Variants in SLC46A2 observed in about 807,000 individuals in gnomAD.
SLC46A2 encodes the protein thymic stromal co-transporter.
In SLC46A2, 25 loss-of-function variants were observed where a neutral mutation model predicts 33.1. That is an observed-to-expected ratio of 0.76 (90% CI 0.55 to 1.06). The LOEUF (loss-of-function observed/expected upper bound fraction) is 1.06, where lower values mean the gene tolerates loss of function less well. SLC46A2 is among the 50% of genes least tolerant of loss of function. The pLI is 0.00. For missense variants in SLC46A2, 622 were observed against 621.7 expected (o/e 1.00, Z 0.00); for synonymous variants, 254 against 275.9 (o/e 0.92, Z 0.79).
intron 3 of SLC46A2, chr9:112,880,189 G>A: frequency 6.2e-6 from 1 of 160,772 alleles, no homozygotes; most frequent in Non-Finnish European, 1.4e-5. Context: ...AAATTAGCTG[G>A]GCATGGTGGC....
In SLC46A2 at chr9:112,879,465, G is replaced by A; in HGVS notation, c.*297C>T. On this transcript the variant is annotated 3_prime_UTR_variant, in exon 4 of 4. Coordinates refer to ENST00000374228, the MANE Select transcript of SLC46A2 (RefSeq NM_033051.4). The stretch of plus-strand genomic sequence containing the variant: ...GTCTGAAGCCCCTCACAGGGCCTGG[G>A]ACTGCTGTGTGCAGCCTGCCTGTAA... 1 of 329,646 alleles carries A rather than the reference G, an allele frequency of 3.0e-6. No homozygotes were observed. The highest frequency in any genetic ancestry group is 5.7e-6 in the Non-Finnish European group (1 of 175,512). 20.4% of individuals were successfully genotyped at this position (329,646 alleles called of 1,614,324 possible).
In SLC46A2 at chr9:112,890,060, G is replaced by T. The variant is rs780450686; in HGVS notation, c.622C>A (p.Leu208Met). The change falls in exon 1 of 4, where the codon CTG becomes ATG. Residue 208 changes from leucine to methionine, a missense_variant. Coordinates refer to ENST00000374228, the MANE Select transcript of SLC46A2 (RefSeq NM_033051.4). This position sits in a 1 kb window ranked among gnomAD's most constrained non-coding sequence, Gnocchi z 6.0. Reference protein sequence around the residue: ...MAGHSGQGLILTACSVSCASF... With the variant: ...MAGHSGQGLIMTACSVSCASF... ...GCACAGCTCACGCTGCAGGCCGTCA[G>T]TATCAGGCCCTGCCCAGAGTGCCCA... The T allele has an allele frequency of 6.2e-7, 1 of 1,613,900 alleles. No individual in the cohort carries two copies. The highest frequency in any genetic ancestry group is 8.5e-7 in the Non-Finnish European group (1 of 1,180,016).
chr9:112,889,572 C>G lies in SLC46A2; in HGVS notation c.1110G>C (p.Glu370Asp). The G allele has an allele frequency of 2.5e-6, 4 of 1,612,852 alleles. No individual in the cohort carries two copies. The highest frequency in any genetic ancestry group is 3.4e-6 in the Non-Finnish European group (4 of 1,179,398). The change falls in exon 1 of 4, where the codon GAG (glutamate) becomes GAC (aspartate). Residue 370 changes from glutamate (E) to aspartate (D), a missense_variant. Coordinates refer to ENST00000374228, the MANE Select transcript of SLC46A2 (RefSeq NM_033051.4). ...ACTCACCAATATAGAACATGTATGT[C>G]TCTTTCACAAAAGCCAAGAGGAGGG... Reference protein sequence around the residue: ...SGALLLAFVKETYMFYIARAV... With the variant: ...SGALLLAFVKDTYMFYIARAV...
intron 1 of SLC46A2, among the ~76,000 whole-genome samples, chr9:112,888,873 GT>G (rs35381661): frequency 0.73 from 101,455 of 139,850 alleles, 37,199 homozygotes; most frequent in African/African-American, 0.9. Flanking sequence ...ACTCCTCCAC[GT>G]TTTTTTTTTT....
chr9:112,890,021 G>A lies in SLC46A2; in HGVS notation c.661C>T (p.Leu221Phe), dbSNP rs138120194. 2.1e-5 allele frequency: 34 copies of A among 1,614,092 alleles called. No individual in the cohort carries two copies. The African/African-American group carries it at 3.6e-4, about 17-fold the overall frequency. Residue 221 changes from leucine (L) to phenylalanine (F), a missense_variant, in exon 1 of 4, where the codon CTC becomes TTC. Leu to Phe is a conservative substitution (Grantham distance 22). Transcript: ENST00000374228. The surrounding 1 kb of genome is among the most constrained non-coding windows in gnomAD (Gnocchi z 6.0). ...ACCTTTAGCACCAAAAGGCTGTAGAGCAGGGCAAACGAGGCACAGCTCACG... is the reference window on the plus strand; with the variant it reads ...ACCTTTAGCACCAAAAGGCTGTAGAACAGGGCAAACGAGGCACAGCTCACG... ...CSVSCASFAL[L>F]YSLLVLKVPE... is the part of the protein sequence containing the mutation.
In SLC46A2 at chr9:112,887,341, C is replaced by T. The variant is rs778846968; in HGVS notation, c.1202G>A (p.Gly401Asp). ...TGTTCACTACTCACCATAAGAGGAG[C>T]CCTTTATGAGTTTGGACATAGCTGA... is the stretch of plus-strand genomic sequence containing the variant. The part of the protein sequence containing the change: ...IRSAMSKLIK[G>D]SSYGKVFVIL... The change falls in exon 2 of 4, where the codon GGC (glycine) becomes GAC (aspartate). Residue 401 changes from glycine (G) to aspartate (D), a missense_variant. Physicochemically the swap from Gly to Asp is moderately conservative, Grantham distance 94. Coordinates refer to ENST00000374228, the MANE Select transcript of SLC46A2 (RefSeq NM_033051.4). 5.6e-6 allele frequency: 9 copies of T among 1,611,554 alleles called. No homozygotes were observed. The East Asian group carries it at 1.8e-4, about 32-fold the overall frequency.
intron 3 of SLC46A2, among the ~76,000 whole-genome samples, chr9:112,882,067 C>T (rs1464946955): frequency 1.3e-5 from 2 of 152,056 alleles, no homozygotes; most frequent in Non-Finnish European, 2.9e-5. Flanking sequence ...TTATGCAGGG[C>T]TTTGTTGCCC....
chr9:112,890,689 C>T lies in SLC46A2; in HGVS notation c.-8G>A, dbSNP rs774071038. On this transcript the variant is annotated 5_prime_UTR_variant, in exon 1 of 4. Coordinates refer to ENST00000374228, the MANE Select transcript of SLC46A2 (RefSeq NM_033051.4). The surrounding 1 kb of genome is among the most constrained non-coding windows in gnomAD (Gnocchi z 6.0). ...GGTGACCTCGGGGCTCATGTGACCT[C>T]TCTGATGGGGATCGAAGGGCTTTCT... 6.3e-7 allele frequency: 1 copy of T among 1,587,322 alleles called. No individual in the cohort carries two copies.
rs200643021 is a variant in SLC46A2 at position 112,888,898 on chromosome 9, T to TG, written c.1129+654_1129+655insC. Among the ~76,000 whole-genome samples, 801 of 143,000 alleles carry TG rather than the reference T, an allele frequency of 5.6e-3. 8 individuals carry two copies. Among genetic ancestry groups the TG allele is most frequent in the Admixed American group, 0.022 (312 of 14,054 alleles). The allele number at this position is 143,000 out of a possible 152,430, so 93.8% of individuals were successfully genotyped here. On this transcript the variant is annotated intron_variant, in intron 1 of 3. Coordinates refer to ENST00000374228, the MANE Select transcript of SLC46A2 (RefSeq NM_033051.4). ...GTTTTTTTTTTTTTGTTTGTTTGTT[T>TG]TTTTTTTTTTGAGACAGAGTCTTGC...
intron 2 of SLC46A2, 62 bp downstream of exon 2, chr9:112,887,268 T>G: frequency 2.0e-6 from 3 of 1,513,148 alleles, no homozygotes; most frequent in Non-Finnish European, 2.7e-6. Flanking sequence ...CTGTGCCTCA[T>G]GCTTAGCAGC....
intron 3 of SLC46A2, among the ~76,000 whole-genome samples, chr9:112,886,227 C>T (rs1841640740): frequency 6.6e-6 from 1 of 152,170 alleles, no homozygotes; most frequent in Non-Finnish European, 1.5e-5. Context: ...AAAGAGTGAG[C>T]CAGTGCCTAA....
Position 112,890,077 on chromosome 9 carries a change from G to T in SLC46A2, c.605C>A (p.Ser202Tyr), listed in dbSNP as rs748100626. ...GGCCGTCAGTATCAGGCCCTGCCCA[G>T]AGTGCCCAGCCATCTGCTTGAAGAG... ...GHLFKQMAGH[S>Y]GQGLILTACS... The change falls in exon 1 of 4, where the codon TCT becomes TAT. Residue 202 changes from serine (S) to tyrosine (Y), a missense_variant. By Grantham distance (144) the Ser-to-Tyr change is moderately radical. Transcript: ENST00000374228. The surrounding 1 kb of genome is among the most constrained non-coding windows in gnomAD (Gnocchi z 6.0). The T allele has an allele frequency of 6.2e-7, 1 of 1,613,678 alleles. No individual in the cohort carries two copies. The highest frequency in any genetic ancestry group is 1.3e-5 in the African/African-American group (1 of 74,954).
At chr9:112,887,813 G>C (rs913831376) in intron 1 of SLC46A2, among the ~76,000 whole-genome samples, 1 of 152,150 alleles carries the variant, frequency 6.6e-6, no homozygotes, top group Admixed American at 6.5e-5. Flanking sequence ...AGATAGTCCC[G>C]GGAGCTTTGG....
chr9:112,887,946 T>TGTGTGTGTGTGAGA (rs1554760068), intron 1 of SLC46A2, among the ~76,000 whole-genome samples: 1 of 139,288 alleles, frequency 7.2e-6, no homozygotes, highest in African/African-American at 2.7e-5. Flanking sequence ...TGTGTGTGTG[T>TGTGTGTGTGTGAGA]GAGAGAGAGA....
At chr9:112,880,544 C>T (rs1260869818) in intron 3 of SLC46A2, 1 of 154,054 alleles carries the variant, frequency 6.5e-6, no homozygotes, top group Non-Finnish European at 1.5e-5. Context: ...GATCCCTACA[C>T]TAGCTCATCA....
At position 112,890,693 on chromosome 9, in the gene SLC46A2, G is replaced by C. The variant is rs994942015; in HGVS notation, c.-12C>G. 9 of 1,584,182 alleles carry C rather than the reference G, an allele frequency of 5.7e-6. No homozygotes were observed. The highest frequency in any genetic ancestry group is 7.7e-6 in the Non-Finnish European group (9 of 1,172,066). ...ACCTCGGGGCTCATGTGACCTCTCT[G>C]ATGGGGATCGAAGGGCTTTCTGGCT... On this transcript the variant is annotated 5_prime_UTR_variant, in exon 1 of 4. The change creates a new upstream start codon in the 5' untranslated region. Coordinates refer to ENST00000374228, the MANE Select transcript of SLC46A2 (RefSeq NM_033051.4). This position sits in a 1 kb window ranked among gnomAD's most constrained non-coding sequence, Gnocchi z 6.0.
chr9:112,888,761 G>T (rs564130939), intron 1 of SLC46A2, among the ~76,000 whole-genome samples: 1 of 152,138 alleles, frequency 6.6e-6, no homozygotes, highest in Non-Finnish European at 1.5e-5. Flanking sequence ...ATTGGTTGTG[G>T]AAGGCATTTA....
chr9:112,880,766 A>G (rs1456592009), intron 3 of SLC46A2, among the ~76,000 whole-genome samples: 4 of 152,176 alleles, frequency 2.6e-5, no homozygotes, highest in Admixed American at 6.5e-5. Context: ...CCATTAGGCC[A>G]TCTCTTTATC....
At chr9:112,887,946 T>TGTGTGTGTGTGA (rs1554760068) in intron 1 of SLC46A2, among the ~76,000 whole-genome samples, 95 of 139,378 alleles carry the variant, frequency 6.8e-4, no homozygotes, top group African/African-American at 2.3e-3. Context: ...TGTGTGTGTG[T>TGTGTGTGTGTGA]GAGAGAGAGA....
Sources: allele counts gnomAD v4.1 joint callset (sites outside exome capture counted in the v4.1 genomes callset), GRCh38; gene constraint gnomAD v4.1.1; non-coding constraint Gnocchi (gnomAD v3.1); transcripts MANE v1.5; gene names NCBI Gene and HGNC (gene_info 2026-07-23, HGNC 2026-07-21).